Variants in SCUBE3 observed in about 807,000 individuals in gnomAD.
The protein encoded by SCUBE3 is signal peptide, CUB domain and EGF like domain containing 3.
Under a neutral mutation model 116.8 loss-of-function variants are expected in SCUBE3, and 33 were observed. The observed-to-expected ratio is 0.28, with a 90% CI of 0.21 to 0.38. The LOEUF is 0.38. Ranked by LOEUF, SCUBE3 falls within the 10% of genes least tolerant of loss-of-function variation. The pLI is 1.00. For synonymous variants in SCUBE3, 418 were observed against 496.9 expected (o/e 0.84, Z 2.11); for missense variants, 1,007 against 1,324.8 (o/e 0.76, Z 3.72).
chr6:35,217,927 G>A (rs1390325125), intron 1 of SCUBE3, among the ~76,000 whole-genome samples: 1 of 152,194 alleles, frequency 6.6e-6, no homozygotes, highest in Non-Finnish European at 1.5e-5. Flanking sequence ...ACATGTCTCA[G>A]AGGTGGGGAA....
Position 35,214,385 on chromosome 6 carries a change from G to T in SCUBE3, c.-34G>T. On this transcript the variant is annotated 5_prime_UTR_variant, in exon 1 of 22. Transcript: ENST00000274938. The surrounding 1 kb of genome is among the most constrained non-coding windows in gnomAD (Gnocchi z 6.3). ...TCCGCCCTCCCCTGGCCGCGAGACC[G>T]GCCCCGGCGGCTGGGCCGCCAGTAG... 2.9e-6 allele frequency: 4 copies of T among 1,378,726 alleles called. No homozygotes were observed. The highest frequency in any genetic ancestry group is 3.8e-6 in the Non-Finnish European group (4 of 1,053,660). 85.4% of individuals were successfully genotyped at this position (1,378,726 alleles called of 1,614,324 possible). A position where few individuals can be genotyped will look rare whatever the true frequency, so the allele number is the denominator to read the frequency against.
chr6:35,222,750 G>C (rs1234072967), intron 1 of SCUBE3: 1 of 152,200 alleles, frequency 6.6e-6, no homozygotes, highest in Non-Finnish European at 1.5e-5. Context: ...AGTAAGCAGT[G>C]GGGATGTGTC....
In SCUBE3 at chr6:35,244,892, A is replaced by G. The variant is rs909693363; in HGVS notation, c.2401+81A>G. ...CATCTAAAGGAGGGGTGTGAAACCAACAGGGAGCAGGGCTGGGGGGTGGAG... is the reference window on the plus strand; with the variant it reads ...CATCTAAAGGAGGGGTGTGAAACCAGCAGGGAGCAGGGCTGGGGGGTGGAG... On this transcript the variant is annotated intron_variant, in intron 18 of 21. Coordinates refer to ENST00000274938, the MANE Select transcript of SCUBE3 (RefSeq NM_152753.4). This position sits in a 1 kb window ranked among gnomAD's most constrained non-coding sequence, Gnocchi z 4.3. 2 of 1,401,716 alleles carry G rather than the reference A, an allele frequency of 1.4e-6. No individual in the cohort carries two copies. The highest frequency in any genetic ancestry group is 1.7e-5 in the Admixed American group (1 of 57,872). The allele number at this position is 1,401,716 out of a possible 1,614,324, so 86.8% of individuals were successfully genotyped here. A position where few individuals can be genotyped will look rare whatever the true frequency, so the allele number is the denominator to read the frequency against.
At chr6:35,242,963 C>A in intron 14 of SCUBE3, 58 bp from the exon 15 acceptor site, 2 of 1,566,330 alleles carry the variant, frequency 1.3e-6, no homozygotes, top group Non-Finnish European at 1.8e-6. Flanking sequence ...TGCTCCCCTG[C>A]CCTCCTGCTC....
intron 14 of SCUBE3, 47 bp from the exon 15 acceptor site, chr6:35,242,974 A>G: frequency 6.3e-7 from 1 of 1,589,922 alleles, no homozygotes; most frequent in Non-Finnish European, 8.6e-7. Flanking sequence ...CCTCCTGCTC[A>G]CAGCAACTCT....
rs967484630 is a variant in SCUBE3 at position 35,219,197 on chromosome 6, C to T, written c.85+4694C>T. ...GTGTCCATGAAGTGGGTATTTATCCCTGGAAATAGCCCCTGAAGAACACAT... is the reference window on the plus strand; with the variant it reads ...GTGTCCATGAAGTGGGTATTTATCCTTGGAAATAGCCCCTGAAGAACACAT... On this transcript the variant is annotated intron_variant, in intron 1 of 21. Transcript: ENST00000274938. This position sits in a 1 kb window ranked among gnomAD's most constrained non-coding sequence, Gnocchi z 4.7. Among the ~76,000 whole-genome samples the T allele has an allele frequency of 3.9e-5, 6 of 152,190 alleles. No individual in the cohort carries two copies. Among genetic ancestry groups the T allele is most frequent in the Admixed American group, 3.3e-4 (5 of 15,280 alleles).
intron 6 of SCUBE3, among the ~76,000 whole-genome samples, chr6:35,237,113 T>C (rs1174062022): frequency 6.6e-6 from 1 of 152,224 alleles, no homozygotes; most frequent in African/African-American, 2.4e-5. Flanking sequence ...TGAGGTTCTC[T>C]AACTCTTTCA....
Position 35,235,972 on chromosome 6 carries a change from G to A in SCUBE3, c.713-1930G>A, listed in dbSNP as rs757093836. Among the ~76,000 whole-genome samples the A allele has an allele frequency of 6.6e-5, 10 of 152,142 alleles. No individual in the cohort carries two copies. Among genetic ancestry groups the A allele is most frequent in the East Asian group, 5.8e-4 (3 of 5,188 alleles). On this transcript the variant is annotated intron_variant, in intron 6 of 21. Coordinates refer to ENST00000274938, the MANE Select transcript of SCUBE3 (RefSeq NM_152753.4). This position sits in a 1 kb window ranked among gnomAD's most constrained non-coding sequence, Gnocchi z 4.5. ...GCATCACTCACCATTCTCTCCTACCGTAATGGCTAAGAGCATGGCATGTGT... is the reference window on the plus strand; with the variant it reads ...GCATCACTCACCATTCTCTCCTACCATAATGGCTAAGAGCATGGCATGTGT...
rs1784150391 is a variant in SCUBE3 at position 35,243,140 on chromosome 6, T to A, written c.1813T>A (p.Tyr605Asn). 2 of 1,614,178 alleles carry A rather than the reference T, an allele frequency of 1.2e-6. No individual in the cohort carries two copies. The highest frequency in any genetic ancestry group is 1.7e-6 in the Non-Finnish European group (2 of 1,180,024). The change falls in exon 15 of 22, where the codon TAT becomes AAT. Residue 605 changes from tyrosine to asparagine, a missense_variant. Transcript: ENST00000274938. The surrounding 1 kb of genome is among the most constrained non-coding windows in gnomAD (Gnocchi z 6.6). ...CCTGCTGCGCCTGGCAGGCCTTGAT[T>A]ATGAGCTGGCCCACAAGCCGGGCCT... Reference protein sequence around the residue: ...RFLLRLAGLDYELAHKPGLVA... With the variant: ...RFLLRLAGLDNELAHKPGLVA...
intron 3 of SCUBE3, among the ~76,000 whole-genome samples, chr6:35,229,385 G>A (rs1309930619): frequency 2.0e-5 from 3 of 152,122 alleles, no homozygotes; most frequent in South Asian, 2.1e-4. Flanking sequence ...GCTCCAGATC[G>A]AGCAATCTTA....
In SCUBE3 at chr6:35,245,898, G is replaced by T; in HGVS notation, c.2600-46G>T. The T allele has an allele frequency of 6.2e-7, 1 of 1,603,746 alleles. No homozygotes were observed. Among genetic ancestry groups the T allele is most frequent in the Non-Finnish European group, 8.5e-7 (1 of 1,173,808 alleles). On this transcript the variant is annotated intron_variant, in intron 19 of 21. Transcript: ENST00000274938. This position sits in a 1 kb window ranked among gnomAD's most constrained non-coding sequence, Gnocchi z 4.2. ...ACAGCCCACGTTCTAGGAGGGCTTG[G>T]GTAGCCTGCCCTGCTGCTCTACTGA...
chr6:35,241,979 A>G lies in SCUBE3; in HGVS notation c.1417+69A>G, dbSNP rs1386494701. On this transcript the variant is annotated intron_variant, in intron 12 of 21. Coordinates refer to ENST00000274938, the MANE Select transcript of SCUBE3 (RefSeq NM_152753.4). The surrounding 1 kb of genome is among the most constrained non-coding windows in gnomAD (Gnocchi z 4.1). ...CATTAATCCCTTATTTTTGTTCTTC[A>G]TCAATCCCCTGGCCTTCCTTTCTCC... 4.3e-6 allele frequency: 5 copies of G among 1,159,568 alleles called. No homozygotes were observed. The highest frequency in any genetic ancestry group is 1.2e-5 in the South Asian group (1 of 82,140). 71.8% of individuals were successfully genotyped at this position (1,159,568 alleles called of 1,614,324 possible).
At chr6:35,215,709 T>G (rs190980161) in intron 1 of SCUBE3, among the ~76,000 whole-genome samples, 55 of 152,288 alleles carry the variant, frequency 3.6e-4, no homozygotes, top group African/African-American at 1.3e-3. Context: ...GAAGGTGCTG[T>G]ATCAATGCCG....
chr6:35,219,431 G>A lies in SCUBE3; in HGVS notation c.85+4928G>A, dbSNP rs1414826024. Among the ~76,000 whole-genome samples the A allele has an allele frequency of 3.9e-5, 6 of 152,172 alleles. No individual in the cohort carries two copies. Among genetic ancestry groups the A allele is most frequent in the African/African-American group, 1.4e-4 (6 of 41,422 alleles). On this transcript the variant is annotated intron_variant, in intron 1 of 21. Transcript: ENST00000274938. This position sits in a 1 kb window ranked among gnomAD's most constrained non-coding sequence, Gnocchi z 4.7. ...TGCTGTTAGATGCTGTGCTTTGGCT[G>A]AACAAATGGGATGATGACCCCTATA...
In SCUBE3 at chr6:35,239,906, AG is replaced by A; in HGVS notation, c.952+34del. On this transcript the variant is annotated intron_variant, in intron 8 of 21. Coordinates refer to ENST00000274938, the MANE Select transcript of SCUBE3 (RefSeq NM_152753.4). The surrounding 1 kb of genome is among the most constrained non-coding windows in gnomAD (Gnocchi z 4.1). Reference sequence around the variant, plus strand: ...AGACTCAGCCAAAGGTGAAAGCCTTAGGAGAGGTTCTTGTGGGAGAGCTTCA... The same window carrying A: ...AGACTCAGCCAAAGGTGAAAGCCTTAGAGAGGTTCTTGTGGGAGAGCTTCA... 1 of 1,555,718 alleles carries A rather than the reference AG, an allele frequency of 6.4e-7. No homozygotes were observed. The highest frequency in any genetic ancestry group is 1.4e-5 in the African/African-American group (1 of 71,808).
chr6:35,238,010 C>A lies in SCUBE3; in HGVS notation c.821C>A (p.Thr274Lys). 6.3e-7 allele frequency: 1 copy of A among 1,593,724 alleles called. No individual in the cohort carries two copies. The highest frequency in any genetic ancestry group is 8.6e-7 in the Non-Finnish European group (1 of 1,162,074). The change falls in exon 7 of 22, where the codon ACG becomes AAG. Residue 274 changes from threonine (T) to lysine (K), a missense_variant. Thr to Lys is a moderately conservative substitution (Grantham distance 78). Coordinates refer to ENST00000274938, the MANE Select transcript of SCUBE3 (RefSeq NM_152753.4). Reference sequence around the variant, plus strand: ...TTCATGCTGCAGCCAGACAGGAAGACGTGCAAAGGTAAGGACTTTGAGAGG... The same window carrying A: ...TTCATGCTGCAGCCAGACAGGAAGAAGTGCAAAGGTAAGGACTTTGAGAGG... ...VGFMLQPDRKTCKDIDECRLN... is the reference protein window; with the variant it reads ...VGFMLQPDRKKCKDIDECRLN...
chr6:35,252,671 T>G lies in SCUBE3; in HGVS notation c.*3966T>G, dbSNP rs894588989. 1.3e-5 allele frequency: 2 copies of G among 152,142 alleles called. No homozygotes were observed. The highest frequency in any genetic ancestry group is 4.8e-5 in the African/African-American group (2 of 41,430). 9.4% of individuals were successfully genotyped at this position (152,142 alleles called of 1,614,324 possible). A position where few individuals can be genotyped will look rare whatever the true frequency, so the allele number is the denominator to read the frequency against. ...TTTTACATTTGACCCGTCTCAAAAG[T>G]AGCACACCCTATCCTTGTGCCATTA... On this transcript the variant is annotated 3_prime_UTR_variant, in exon 22 of 22. Coordinates refer to ENST00000274938, the MANE Select transcript of SCUBE3 (RefSeq NM_152753.4).
Position 35,214,362 on chromosome 6 carries a change from C to T in SCUBE3, c.-57C>T. The T allele has an allele frequency of 8.5e-7, 1 of 1,179,908 alleles. No individual in the cohort carries two copies. The highest frequency in any genetic ancestry group is 1.1e-6 in the Non-Finnish European group (1 of 902,540). 73.1% of individuals were successfully genotyped at this position (1,179,908 alleles called of 1,614,324 possible). ...TGCGAGCTGGGATCCGGCCGGCTTC[C>T]GCCCTCCCCTGGCCGCGAGACCGGC... On this transcript the variant is annotated 5_prime_UTR_variant, in exon 1 of 22. Coordinates refer to ENST00000274938, the MANE Select transcript of SCUBE3 (RefSeq NM_152753.4). The surrounding 1 kb of genome is among the most constrained non-coding windows in gnomAD (Gnocchi z 6.3).
chr6:35,252,248 T>G lies in SCUBE3; in HGVS notation c.*3543T>G, dbSNP rs899463204. 2 of 152,242 alleles carry G rather than the reference T, an allele frequency of 1.3e-5. No homozygotes were observed. Among genetic ancestry groups the G allele is most frequent in the Non-Finnish European group, 2.9e-5 (2 of 68,044 alleles). 9.4% of individuals were successfully genotyped at this position (152,242 alleles called of 1,614,324 possible). A position where few individuals can be genotyped will look rare whatever the true frequency, so the allele number is the denominator to read the frequency against. Reference sequence around the variant, plus strand: ...GACCAGATCCTGGATCTGAGCTGCCTGCTCCAGGCCTAGAAATCCCCAAAG... The same window carrying G: ...GACCAGATCCTGGATCTGAGCTGCCGGCTCCAGGCCTAGAAATCCCCAAAG... On this transcript the variant is annotated 3_prime_UTR_variant, in exon 22 of 22. Transcript: ENST00000274938.
Sources: gnomAD v4.1 joint callset for allele counts (sites outside exome capture counted in the v4.1 genomes callset) on GRCh38, gnomAD v4.1.1 for gene constraint, Gnocchi (gnomAD v3.1) non-coding constraint, MANE v1.5 for transcripts, NCBI Gene and HGNC (gene_info 2026-07-23, HGNC 2026-07-21) for gene names.